ST6GALNAC1: variants seen among roughly 807,000 people sequenced by gnomAD.
ST6GALNAC1 encodes alpha-N-acetylgalactosaminide alpha-2,6-sialyltransferase 1.
Under a neutral mutation model 56.8 loss-of-function variants are expected in ST6GALNAC1, and 45 were observed. The observed-to-expected ratio is 0.79, with a 90% CI of 0.62 to 1.02. The LOEUF (loss-of-function observed/expected upper bound fraction) is 1.02. ST6GALNAC1 is among the 50% of genes least tolerant of loss of function. The pLI is 0.00. For missense variants in ST6GALNAC1, 743 were observed against 754.8 expected (o/e 0.98, Z 0.18); for synonymous variants, 295 against 297.8 (o/e 0.99, Z 0.10).
At chr17:76,618,271 C>T in the ST6GALNAC1 span, among the ~76,000 whole-genome samples, 1 of 152,138 alleles carries the variant, frequency 6.6e-6, no homozygotes, top group Non-Finnish European at 1.5e-5. Flanking sequence ...GAAGCAGATA[C>T]AGCTAGGAGG....
In ST6GALNAC1 at chr17:76,643,751, T is replaced by C; in HGVS notation, c.-113A>G. The C allele has an allele frequency of 9.3e-7, 1 of 1,079,464 alleles. No individual in the cohort carries two copies. The highest frequency in any genetic ancestry group is 2.4e-5 in the Admixed American group (1 of 40,836). 66.9% of individuals were successfully genotyped at this position (1,079,464 alleles called of 1,614,324 possible). A position where few individuals can be genotyped will look rare whatever the true frequency, so the allele number is the denominator to read the frequency against. ...GCCAGGAAGTGCACACCCTTTGTCT[T>C]AACAATGAGCCACTCCGGCAAGTGC... On this transcript the variant is annotated 5_prime_UTR_variant, in exon 1 of 9. Coordinates refer to ENST00000156626, the MANE Select transcript of ST6GALNAC1 (RefSeq NM_018414.5).
chr17:76,622,284 A>T (rs2075749682), downstream of ST6GALNAC1, among the ~76,000 whole-genome samples: 1 of 149,436 alleles, frequency 6.7e-6, no homozygotes, highest in Non-Finnish European at 1.5e-5. Flanking sequence ...TTTATCTGTG[A>T]TATATGTGGC....
At chr17:76,637,591 G>C in intron 1 of ST6GALNAC1, 1 of 398,254 alleles carries the variant, frequency 2.5e-6, no homozygotes, top group Non-Finnish European at 4.4e-6. Context: ...CCCAAAAAAA[G>C]TCTCTCACAC....
chr17:76,630,711 G>C (rs1384813982), intron 1 of ST6GALNAC1, among the ~76,000 whole-genome samples: 7 of 150,200 alleles, frequency 4.7e-5, no homozygotes, highest in Admixed American at 3.3e-4. Context: ...TCAGCCTTCC[G>C]AGTAGCTGGG....
intron 1 of ST6GALNAC1, among the ~76,000 whole-genome samples, chr17:76,638,110 CTT>C (rs397744489): frequency 2.4e-4 from 32 of 132,730 alleles, no homozygotes; most frequent in African/African-American, 2.2e-4. Context: ...ACAGCTCACT[CTT>C]TTTTTTTTTT....
At chr17:76,634,492 T>C (rs2075949562) in intron 1 of ST6GALNAC1, among the ~76,000 whole-genome samples, 1 of 152,182 alleles carries the variant, frequency 6.6e-6, no homozygotes, top group South Asian at 2.1e-4. Flanking sequence ...ACGAGGGCTA[T>C]TCCAGCCTCC....
chr17:76,625,590 G>T, intron 8 of ST6GALNAC1, 63 bp from the exon 9 acceptor site: 2 of 1,574,874 alleles, frequency 1.3e-6, no homozygotes, highest in Admixed American at 3.5e-5. Flanking sequence ...TCTTCTCATG[G>T]CTAATTCTGT....
At chr17:76,623,380 A>C (rs2075759890), downstream of ST6GALNAC1, among the ~76,000 whole-genome samples, 1 of 152,216 alleles carries the variant, frequency 6.6e-6, no homozygotes, top group African/African-American at 2.4e-5. Flanking sequence ...GTATCAGTTT[A>C]GGCTCTAGAA....
At chr17:76,628,751 C>T (rs1264411673) in intron 2 of ST6GALNAC1, among the ~76,000 whole-genome samples, 1 of 152,178 alleles carries the variant, frequency 6.6e-6, no homozygotes, top group Non-Finnish European at 1.5e-5. Context: ...GGGCAGGCCC[C>T]ATCTCACTCA....
At chr17:76,631,572 A>C (rs73352081) in intron 1 of ST6GALNAC1, among the ~76,000 whole-genome samples, 5,941 of 151,232 alleles carry the variant, frequency 0.039, 376 homozygotes, top group African/African-American at 0.13. Context: ...CTTTGTCTCT[A>C]TCTCACCTCT....
chr17:76,625,990 T>C lies in ST6GALNAC1; in HGVS notation c.1505+16A>G. 1 of 1,613,696 alleles carries C rather than the reference T, an allele frequency of 6.2e-7. No individual in the cohort carries two copies. On this transcript the variant is annotated intron_variant, in intron 7 of 8. Transcript: ENST00000156626. ...ACAGGGACCTGGGCTACGTGTCACG[T>C]GCTTTCTGCTCTAACCTGTTCTTCA...
chr17:76,641,817 T>C (rs1344222517), intron 1 of ST6GALNAC1: 1 of 152,180 alleles, frequency 6.6e-6, no homozygotes, highest in Admixed American at 6.5e-5. Context: ...CCCTGTGGAA[T>C]GCTAAGCAAC....
At chr17:76,638,536 G>A (rs2076006663) in intron 1 of ST6GALNAC1, among the ~76,000 whole-genome samples, 1 of 151,950 alleles carries the variant, frequency 6.6e-6, no homozygotes. Flanking sequence ...GGGATTACAG[G>A]CAACCGCCAC....
chr17:76,635,561 T>C (rs2075963813), intron 1 of ST6GALNAC1, among the ~76,000 whole-genome samples: 1 of 152,160 alleles, frequency 6.6e-6, no homozygotes. Flanking sequence ...TGTTTGAGCC[T>C]GCGAGGTGGA....
chr17:76,637,170 C>G (rs919782263), intron 1 of ST6GALNAC1, among the ~76,000 whole-genome samples: 1 of 151,080 alleles, frequency 6.6e-6, no homozygotes, highest in African/African-American at 2.4e-5. Context: ...AAACCAGAGA[C>G]CTTTGTTCAC....
chr17:76,630,824 C>T (rs1413999112), intron 1 of ST6GALNAC1, among the ~76,000 whole-genome samples: 6 of 150,722 alleles, frequency 4.0e-5, no homozygotes, highest in Admixed American at 6.6e-5. Context: ...CTCTTGATCT[C>T]GTGATCTGCC....
intron 1 of ST6GALNAC1, among the ~76,000 whole-genome samples, chr17:76,635,638 A>AAAC (rs1156982136): frequency 6.6e-6 from 1 of 152,228 alleles, no homozygotes; most frequent in Admixed American, 6.5e-5. Flanking sequence ...CTCTGTCTCA[A>AAAC]AACAACAACA....
At position 76,626,058 on chromosome 17, in the gene ST6GALNAC1, T is replaced by C; in HGVS notation, c.1453A>G (p.Met485Val). Residue 485 changes from methionine (M) to valine (V), a missense_variant, in exon 7 of 9, where the codon ATG becomes GTG. Met to Val is a conservative substitution (Grantham distance 21). Coordinates refer to ENST00000156626, the MANE Select transcript of ST6GALNAC1 (RefSeq NM_018414.5). ...PQEAFREALH[M>V]DRYLLLHPDF... is the part of the protein sequence containing the mutation. Reference sequence around the variant, plus strand: ...GGGTGCAGCAACAGGTACCTGTCCATGTGCAGGGCTTCCCGAAAAGCTTCC... The same window carrying C: ...GGGTGCAGCAACAGGTACCTGTCCACGTGCAGGGCTTCCCGAAAAGCTTCC... 1 of 1,614,160 alleles carries C rather than the reference T, an allele frequency of 6.2e-7. No homozygotes were observed. Among genetic ancestry groups the C allele is most frequent in the Non-Finnish European group, 8.5e-7 (1 of 1,180,012 alleles).
At chr17:76,617,941 T>C in the ST6GALNAC1 span, among the ~76,000 whole-genome samples, 21 of 152,318 alleles carry the variant, frequency 1.4e-4, no homozygotes, top group Admixed American at 3.9e-4. Flanking sequence ...TGGGTTGGGA[T>C]TGGGGCTGTT....
Sources: gnomAD v4.1 joint callset for allele counts (sites outside exome capture counted in the v4.1 genomes callset) on GRCh38, gnomAD v4.1.1 for gene constraint, MANE v1.5 for transcripts, NCBI Gene and HGNC (gene_info 2026-07-23, HGNC 2026-07-21) for gene names.